CNTNAP5: variants seen among roughly 807,000 people sequenced by gnomAD.
CNTNAP5 encodes contactin associated protein family member 5.
CNTNAP5 carries 72 observed loss-of-function variants against 150.2 expected under a neutral mutation model. The observed-to-expected ratio is 0.48, with a 90% CI of 0.40 to 0.58. The LOEUF (loss-of-function observed/expected upper bound fraction) is 0.58. Ranked by LOEUF, CNTNAP5 falls within the 20% of genes least tolerant of loss-of-function variation. CNTNAP5 has a pLI of 0.00. For synonymous variants in CNTNAP5, 672 were observed against 619.8 expected (o/e 1.08, Z -1.25); for missense variants, 1,636 against 1,626.2 (o/e 1.01, Z -0.10).
At chr2:124,291,070 G>T (rs1359981115) in intron 3 of CNTNAP5, among the ~76,000 whole-genome samples, 1 of 151,972 alleles carries the variant, frequency 6.6e-6, no homozygotes, top group African/African-American at 2.4e-5. Context: ...CAATCATTTT[G>T]AATGTGATAA....
At chr2:124,842,038 A>G (rs972601547) in intron 19 of CNTNAP5, among the ~76,000 whole-genome samples, 3 of 152,194 alleles carry the variant, frequency 2.0e-5, no homozygotes, top group Admixed American at 6.6e-5. Flanking sequence ...GCTCAAAAGC[A>G]TCTATATTTA....
At chr2:124,586,935 T>C (rs1194437851) in intron 11 of CNTNAP5, among the ~76,000 whole-genome samples, 1 of 152,132 alleles carries the variant, frequency 6.6e-6, no homozygotes, top group East Asian at 1.9e-4. Flanking sequence ...AAGGGGAAAA[T>C]ACGCAGAGCA....
At chr2:124,786,447 GAAAGA>G (rs1179738838) in intron 17 of CNTNAP5, among the ~76,000 whole-genome samples, 17 of 99,902 alleles carry the variant, frequency 1.7e-4, no homozygotes, top group East Asian at 7.4e-4. Flanking sequence ...AGGAAGGAAG[GAAAGA>G]AAGAAAGAAA....
chr2:124,440,666 T>C (rs550947452), intron 5 of CNTNAP5, among the ~76,000 whole-genome samples: 84 of 152,280 alleles, frequency 5.5e-4, no homozygotes, highest in African/African-American at 2.0e-3. Context: ...TAAAAATTGT[T>C]ATATTTCTTA....
rs1042953917 is a variant in CNTNAP5, at chr2:124,900,978, G to T, written c.3437-1904G>T. On this transcript the variant is annotated intron_variant, in intron 21 of 23. Transcript: ENST00000682447. ...GTTTTTTGTGAGATGCTTTATGTGG[G>T]ACACAGTCTTTTAATGCTCATCATA... 2.6e-5 allele frequency among the ~76,000 whole-genome samples: 4 copies of T among 151,656 alleles called. No homozygotes were observed. In the South Asian group the frequency reaches 8.3e-4, roughly 31 times the overall value.
At chr2:124,464,734 G>A (rs767098515) in intron 6 of CNTNAP5, among the ~76,000 whole-genome samples, 2 of 152,036 alleles carry the variant, frequency 1.3e-5, no homozygotes, top group Non-Finnish European at 2.9e-5. Context: ...CAGAAAATTG[G>A]AATTTTTGTC....
At position 124,637,374 on chromosome 2, in the gene CNTNAP5, T is replaced by C. The variant is rs530666741; in HGVS notation, c.1877-10384T>C. 1.3e-4 allele frequency among the ~76,000 whole-genome samples: 20 copies of C among 152,356 alleles called. No individual in the cohort carries two copies. The East Asian group carries it at 3.9e-3, about 29-fold the overall frequency. On this transcript the variant is annotated intron_variant, in intron 12 of 23. Coordinates refer to ENST00000682447, the MANE Select transcript of CNTNAP5 (RefSeq NM_001367498.1). Reference sequence around the variant, plus strand: ...AAATATCCCATACTTTGGATATTTCTGATTATTTAATCAGTGTAGAACATT... The same window carrying C: ...AAATATCCCATACTTTGGATATTTCCGATTATTTAATCAGTGTAGAACATT...
rs55795835 is a variant in CNTNAP5, at chr2:124,773,909, CGTGTGTGTGTGT to C, written c.2752+920_2752+931del. Among the ~76,000 whole-genome samples, 6 of 132,108 alleles carry C rather than the reference CGTGTGTGTGTGT, an allele frequency of 4.5e-5. No individual in the cohort carries two copies. The East Asian group carries it at 7.1e-4, about 16-fold the overall frequency. 86.7% of individuals were successfully genotyped at this position (132,108 alleles called of 152,430 possible). On this transcript the variant is annotated intron_variant, in intron 17 of 23. Coordinates refer to ENST00000682447, the MANE Select transcript of CNTNAP5 (RefSeq NM_001367498.1). ...ACATTTTGTTAAACATAAGGGAGTG[CGTGTGTGTGTGT>C]GTGTGTGTGTGTGTGTGTGTGTGTG...
chr2:124,561,512 A>C (rs1274501981), intron 10 of CNTNAP5, among the ~76,000 whole-genome samples: 1 of 152,094 alleles, frequency 6.6e-6, no homozygotes, highest in Non-Finnish European at 1.5e-5. Flanking sequence ...TAGAATTTGA[A>C]CAGAGAGAGG....
intron 17 of CNTNAP5, among the ~76,000 whole-genome samples, chr2:124,785,372 A>G (rs1402209068): frequency 1.3e-5 from 2 of 152,212 alleles, no homozygotes; most frequent in African/African-American, 2.4e-5. Flanking sequence ...CTGATTTTTC[A>G]ATGAGGAACT....
intron 4 of CNTNAP5, among the ~76,000 whole-genome samples, chr2:124,419,896 T>TTTCCTTTCTTTC (rs1692039014): frequency 1.2e-5 from 1 of 85,198 alleles, no homozygotes; most frequent in Non-Finnish European, 2.3e-5. Flanking sequence ...ACTGGATTGG[T>TTTCCTTTCTTTC]TTTCTTTCTT....
At chr2:124,200,424 T>G (rs1685699351) in intron 1 of CNTNAP5, among the ~76,000 whole-genome samples, 1 of 152,198 alleles carries the variant, frequency 6.6e-6, no homozygotes, top group South Asian at 2.1e-4. Context: ...TTTTCAAATT[T>G]ATTGACATAA....
chr2:124,609,820 C>T lies in CNTNAP5; in HGVS notation c.1776C>T (p.Cys592=), dbSNP rs567929192. The T allele has an allele frequency of 4.1e-4, 660 of 1,613,832 alleles. 10 individuals are homozygous for T. In the South Asian group the frequency reaches 6.9e-3, roughly 17 times the overall value. ...TTCCAGCCATCTACGAGCAATCCTG[C>T]GAGGTGTACAGGCACCAGGGGAATA... ...TCHNSIYEQS[C]EVYRHQGNTA... Residue 592 remains cysteine, a synonymous_variant, in exon 12 of 24, where the codon TGC becomes TGT. Transcript: ENST00000682447.
chr2:124,587,633 G>A (rs1696567369), intron 11 of CNTNAP5, among the ~76,000 whole-genome samples: 1 of 152,008 alleles, frequency 6.6e-6, no homozygotes, highest in South Asian at 2.1e-4. Flanking sequence ...GTCTTTTGGG[G>A]CCTTTGTATA....
At chr2:124,714,218 AT>A (rs68071893) in intron 13 of CNTNAP5, among the ~76,000 whole-genome samples, 24,662 of 151,868 alleles carry the variant, frequency 0.16, 2,276 homozygotes, top group East Asian at 0.24. Flanking sequence ...AGTCATTGTG[AT>A]TTTTTTCACC....
At chr2:124,865,507 AC>A in intron 20 of CNTNAP5, 71 bp downstream of exon 20, 1 of 1,424,856 alleles carries the variant, frequency 7.0e-7, no homozygotes, top group Non-Finnish European at 9.6e-7. Context: ...CTAAGCTTCT[AC>A]CCCATGCCAG....
At chr2:124,799,880 A>G (rs761857421) in intron 19 of CNTNAP5, among the ~76,000 whole-genome samples, 2 of 152,198 alleles carry the variant, frequency 1.3e-5, no homozygotes, top group Non-Finnish European at 2.9e-5. Context: ...TAGGATGACA[A>G]TGGCTCATTC....
chr2:124,342,735 T>C (rs978675192), intron 3 of CNTNAP5, among the ~76,000 whole-genome samples: 1 of 152,180 alleles, frequency 6.6e-6, no homozygotes, highest in African/African-American at 2.4e-5. Context: ...GTACACATTA[T>C]GAAATTGAAG....
intron 11 of CNTNAP5, among the ~76,000 whole-genome samples, chr2:124,584,269 C>A (rs1455205480): frequency 2.6e-5 from 4 of 152,180 alleles, no homozygotes; most frequent in African/African-American, 9.7e-5. Context: ...ATAAATTCAT[C>A]TCTAGCCCAG....
Sources: allele counts gnomAD v4.1 joint callset (sites outside exome capture counted in the v4.1 genomes callset), GRCh38; gene constraint gnomAD v4.1.1; transcripts MANE v1.5; gene names NCBI Gene and HGNC (gene_info 2026-07-23, HGNC 2026-07-21).